Variants in APOOL observed in about 807,000 individuals in gnomAD.
APOOL encodes the protein apolipoprotein O like.
In APOOL, 12 loss-of-function variants were observed where a neutral mutation model predicts 23.1. That is an observed-to-expected ratio of 0.52 (90% CI 0.33 to 0.84). The LOEUF (loss-of-function observed/expected upper bound fraction) is 0.84. Ranked by LOEUF, APOOL falls within the 40% of genes least tolerant of loss-of-function variation. The probability of loss-of-function intolerance (pLI) is 0.02; values close to 1 mark genes in which losing one functional copy is unlikely to be tolerated. For missense variants in APOOL, 212 were observed against 199.6 expected (o/e 1.06, Z -0.37); for synonymous variants, 77 against 69.9 (o/e 1.10, Z -0.51).
rs758158319 is a variant in APOOL at position 85,092,348 on chromosome X, A to G, written c.*4670A>G. Reference sequence around the variant, plus strand: ...TGCTGTTAGACTCAGGTGACAGTCAAATGTTGGAGGCTGTGTTGGGATGAG... The same window carrying G: ...TGCTGTTAGACTCAGGTGACAGTCAGATGTTGGAGGCTGTGTTGGGATGAG... On this transcript the variant is annotated 3_prime_UTR_variant, in exon 9 of 9. Coordinates refer to ENST00000373173, the MANE Select transcript of APOOL (RefSeq NM_198450.6). 1 of 1,133,139 alleles carries G rather than the reference A, an allele frequency of 8.8e-7. No homozygotes were observed. The highest frequency in any genetic ancestry group is 1.8e-5 in the African/African-American group (1 of 54,565). 93.4% of individuals were successfully genotyped at this position (1,133,139 alleles called of 1,213,427 possible). A position where few individuals can be genotyped will look rare whatever the true frequency, so the allele number is the denominator to read the frequency against.
At chrX:85,007,716 A>G (rs1921125820) in intron 1 of APOOL, among the ~76,000 whole-genome samples, 1 of 111,342 alleles carries the variant, frequency 9.0e-6, no homozygotes, top group African/African-American at 3.3e-5. Context: ...AGTAGTGTCA[A>G]ATAAAAGCCA....
chrX:85,073,050 A>G (rs1018963499), intron 6 of APOOL, among the ~76,000 whole-genome samples: 3 of 111,344 alleles, frequency 2.7e-5, no homozygotes, highest in Non-Finnish European at 3.8e-5. Context: ...GATGAGTAAA[A>G]ATTGAGGAAG....
rs1419166932 is a variant in APOOL at position 85,092,195 on chromosome X, A to G, written c.*4517A>G. 6 of 382,638 alleles carry G rather than the reference A, an allele frequency of 1.6e-5. No individual in the cohort carries two copies. The highest frequency in any genetic ancestry group is 2.6e-5 in the Non-Finnish European group (6 of 227,223). The allele number at this position is 382,638 out of a possible 1,213,427, so 31.5% of individuals were successfully genotyped here. ...GCTCTTTTGGATTATCACTACTGCT[A>G]CTAGCCGTTAGAATATTGGTTTGGA... On this transcript the variant is annotated 3_prime_UTR_variant, in exon 9 of 9. Transcript: ENST00000373173.
rs1922881214 is a variant in APOOL, at chrX:85,054,325, C to T, written c.241-19C>T. On this transcript the variant is annotated intron_variant, in intron 3 of 8. Coordinates refer to ENST00000373173, the MANE Select transcript of APOOL (RefSeq NM_198450.6). ...GCTTCAAAAATGCAGATGTCTTCCC[C>T]CCCTTTTTTTTTGCTTAGGGTGTTT... 1 of 1,173,963 alleles carries T rather than the reference C, an allele frequency of 8.5e-7. No individual in the cohort carries two copies. The highest frequency in any genetic ancestry group is 1.1e-6 in the Non-Finnish European group (1 of 876,222).
At chrX:85,086,650 C>T (rs887199131) in intron 8 of APOOL, among the ~76,000 whole-genome samples, 1 of 111,758 alleles carries the variant, frequency 8.9e-6, no homozygotes, top group Admixed American at 9.5e-5. Context: ...TAACTGGTCT[C>T]CCTGCTTCTA....
intron 1 of APOOL, among the ~76,000 whole-genome samples, chrX:85,013,902 C>T (rs1055025983): frequency 9.0e-6 from 1 of 111,391 alleles, no homozygotes; most frequent in African/African-American, 3.3e-5. Context: ...CTGTCTAGTG[C>T]TGTCAGTGTA....
At chrX:85,064,705 A>C (rs150466449) in intron 5 of APOOL, among the ~76,000 whole-genome samples, 106 of 111,765 alleles carry the variant, frequency 9.5e-4, no homozygotes, top group Non-Finnish European at 1.4e-3. Context: ...TGAATTTCTT[A>C]ATCTTGAGTT....
intron 1 of APOOL, among the ~76,000 whole-genome samples, chrX:85,010,143 A>T (rs1479342302): frequency 9.0e-6 from 1 of 111,448 alleles, no homozygotes; most frequent in Non-Finnish European, 1.9e-5. Context: ...CATTCCTACT[A>T]GCAATGAATG....
intron 8 of APOOL, among the ~76,000 whole-genome samples, chrX:85,080,871 TTTG>T (rs763737884): frequency 9.0e-6 from 1 of 111,650 alleles, no homozygotes; most frequent in East Asian, 2.8e-4. Flanking sequence ...TCTTTTGATG[TTTG>T]TTGGTTAAAA....
At chrX:85,059,408 G>C (rs1422348380) in intron 5 of APOOL, among the ~76,000 whole-genome samples, 1 of 110,040 alleles carries the variant, frequency 9.1e-6, no homozygotes, top group African/African-American at 3.3e-5. Context: ...TGGGATGGCT[G>C]GGTCAAATGG....
At chrX:85,077,728 T>C (rs1289801066) in intron 8 of APOOL, among the ~76,000 whole-genome samples, 1 of 111,754 alleles carries the variant, frequency 8.9e-6, no homozygotes, top group African/African-American at 3.3e-5. Context: ...CCACCAACAG[T>C]GTAAAAGCAT....
chrX:85,055,459 G>A (rs1418813030), intron 4 of APOOL, among the ~76,000 whole-genome samples: 1 of 111,290 alleles, frequency 9.0e-6, no homozygotes, highest in Non-Finnish European at 1.9e-5. Context: ...GAGGCTACCA[G>A]TGTTTGAACA....
At position 85,054,359 on chromosome X, in the gene APOOL, G is replaced by A; in HGVS notation, c.256G>A (p.Val86Met). Residue 86 changes from valine (V) to methionine (M), a missense_variant, in exon 4 of 9, where the codon GTG becomes ATG. Physicochemically the swap from Val to Met is conservative, Grantham distance 21 (BLOSUM62 1). Transcript: ENST00000373173. ...TTTTGCTTAGGGTGTTTATGTCTTTGTGAAAAATGGGATAATGGATACAGT... is the reference window on the plus strand; with the variant it reads ...TTTTGCTTAGGGTGTTTATGTCTTTATGAAAAATGGGATAATGGATACAGT... ...IGWCKGVYVFVKNGIMDTVQF... is the reference protein window; with the variant it reads ...IGWCKGVYVFMKNGIMDTVQF... The A allele has an allele frequency of 1.7e-6, 2 of 1,186,139 alleles. No homozygotes were observed. Among genetic ancestry groups the A allele is most frequent in the Non-Finnish European group, 2.3e-6 (2 of 882,675 alleles).
At position 85,087,790 on chromosome X, in the gene APOOL, C is replaced by A; in HGVS notation, c.*112C>A. The A allele has an allele frequency of 1.6e-6, 1 of 612,457 alleles. No individual in the cohort carries two copies. The highest frequency in any genetic ancestry group is 2.4e-6 in the Non-Finnish European group (1 of 418,836). The allele number at this position is 612,457 out of a possible 1,213,427, so 50.5% of individuals were successfully genotyped here. On this transcript the variant is annotated 3_prime_UTR_variant, in exon 9 of 9. Coordinates refer to ENST00000373173, the MANE Select transcript of APOOL (RefSeq NM_198450.6). ...CTGATACATAGAGTATTACCTAAAC[C>A]AAGTTTCTCCCTTACATTTCCAAAT...
intron 1 of APOOL, among the ~76,000 whole-genome samples, chrX:85,011,446 A>G (rs1381020130): frequency 9.0e-6 from 1 of 111,617 alleles, no homozygotes; most frequent in African/African-American, 3.3e-5. Flanking sequence ...TTCTGATGTT[A>G]TCTTCTGGAA....
chrX:85,072,065 C>T (rs1171302330), intron 6 of APOOL, among the ~76,000 whole-genome samples: 4 of 111,630 alleles, frequency 3.6e-5, no homozygotes, highest in Non-Finnish European at 5.7e-5. Flanking sequence ...GCTGAGATCA[C>T]GCCACTGTAC....
intron 5 of APOOL, among the ~76,000 whole-genome samples, chrX:85,062,010 G>T (rs1269777417): frequency 1.8e-5 from 2 of 108,882 alleles, no homozygotes; most frequent in African/African-American, 6.7e-5. Flanking sequence ...TTCTCTTGTG[G>T]GCATTTAGTA....
rs138368924 is a variant in APOOL, at chrX:85,036,723, T to C, written c.16-9723T>C. On this transcript the variant is annotated intron_variant, in intron 1 of 8. Coordinates refer to ENST00000373173, the MANE Select transcript of APOOL (RefSeq NM_198450.6). ...TTTTTAAAATTTTATTTCAATAGTT[T>C]TGGGGGAGCAAGTGGTTTTTGGTTA... is the stretch of plus-strand genomic sequence containing the variant. Among the ~76,000 whole-genome samples, 655 of 111,375 alleles carry C rather than the reference T, an allele frequency of 5.9e-3. 4 individuals carry two copies. Among genetic ancestry groups the C allele is most frequent in the African/African-American group, 0.02 (620 of 30,663 alleles).
rs1425067112 is a variant in APOOL at position 85,087,592 on chromosome X, G to T, written c.721G>T (p.Ala241Ser). The change falls in exon 9 of 9, where the codon GCA becomes TCA. Residue 241 changes from alanine to serine, a missense_variant and splice_region_variant. Transcript: ENST00000373173. Reference protein sequence around the residue: ...AKTKSESTSGATQFMPDPKLM... With the variant: ...AKTKSESTSGSTQFMPDPKLM... ...TTTTCATTTTAATACTTTATCAGGT[G>T]CAACCCAGTTTATGCCTGACCCCAA... The T allele has an allele frequency of 2.5e-6, 3 of 1,195,435 alleles. No individual in the cohort carries two copies. The highest frequency in any genetic ancestry group is 2.3e-6 in the Non-Finnish European group (2 of 887,437).
Sources: gnomAD v4.1 joint callset for allele counts (sites outside exome capture counted in the v4.1 genomes callset) on GRCh38, gnomAD v4.1.1 for gene constraint, MANE v1.5 for transcripts, NCBI Gene and HGNC (gene_info 2026-07-23, HGNC 2026-07-21) for gene names.